The following UPRT variants were observed in gnomAD, a reference collection of about 807,000 sequenced individuals.
UPRT encodes the protein RP11-311P8.3.
Under a neutral mutation model 22.6 loss-of-function variants are expected in UPRT, and 5 were observed. That is an observed-to-expected ratio of 0.22 (90% CI 0.12 to 0.47). UPRT has a LOEUF of 0.47. UPRT is among the 20% of genes least tolerant of loss of function. The pLI is 0.99. For missense variants in UPRT, 181 were observed against 239.9 expected, an observed-to-expected ratio of 0.75 and a Z score of 1.62; for synonymous variants, 77 against 87.7, an observed-to-expected ratio of 0.88 and a Z score of 0.68.
chrX:75,200,835 C>T (rs908016798), intron 4 of UPRT, among the ~76,000 whole-genome samples: 1 of 111,238 alleles, frequency 9.0e-6, no homozygotes, highest in African/African-American at 3.3e-5. Context: ...GTTCTAGCTA[C>T]TCAGCAGGCA....
chrX:75,206,991 T>A (rs1434128648), intron 4 of UPRT, among the ~76,000 whole-genome samples: 2 of 112,530 alleles, frequency 1.8e-5, no homozygotes, highest in African/African-American at 6.5e-5. Flanking sequence ...AGCTGCCTGC[T>A]GGGCTGCCAA....
intron 1 of UPRT, among the ~76,000 whole-genome samples, chrX:75,277,148 G>A (rs1160546664): frequency 1.8e-5 from 2 of 111,403 alleles, no homozygotes; most frequent in Non-Finnish European, 3.8e-5. Flanking sequence ...TGAACATTTG[G>A]GTGGTTTACC....
intron 4 of UPRT, among the ~76,000 whole-genome samples, chrX:75,190,686 C>A (rs2082311869): frequency 9.0e-6 from 1 of 111,714 alleles, no homozygotes; most frequent in Non-Finnish European, 1.9e-5. Context: ...TCTTTGTACT[C>A]TTTTTTCTCT....
chrX:75,268,943 C>G (rs1305452863), intron 4 of UPRT, among the ~76,000 whole-genome samples: 2 of 111,384 alleles, frequency 1.8e-5, no homozygotes, highest in Admixed American at 9.6e-5. Context: ...AAAGGGTATT[C>G]AAATAGGAAC....
intron 4 of UPRT, among the ~76,000 whole-genome samples, chrX:75,186,987 C>G (rs1399787863): frequency 4.5e-5 from 5 of 111,540 alleles, no homozygotes; most frequent in African/African-American, 9.8e-5. Context: ...ATTTGCCAGT[C>G]TGTGTCTTTT....
chrX:75,276,050 A>G (rs1477305232), intron 1 of UPRT, among the ~76,000 whole-genome samples: 1 of 111,506 alleles, frequency 9.0e-6, no homozygotes, highest in Non-Finnish European at 1.9e-5. Flanking sequence ...CATAGTTCCT[A>G]GGAACAATTC....
chrX:75,261,560 C>T (rs1027107068), intron 4 of UPRT, among the ~76,000 whole-genome samples: 2 of 111,404 alleles, frequency 1.8e-5, no homozygotes, highest in Non-Finnish European at 3.8e-5. Context: ...AGTCTGGGAC[C>T]GGAATGATTC....
At chrX:75,176,011 T>C (rs754100579) in intron 4 of UPRT, among the ~76,000 whole-genome samples, 1 of 111,627 alleles carries the variant, frequency 9.0e-6, no homozygotes, top group South Asian at 3.8e-4. Flanking sequence ...TAAACTTATC[T>C]TTTAGAATCA....
intron 4 of UPRT, among the ~76,000 whole-genome samples, chrX:75,202,323 C>T (rs756434655): frequency 6.3e-5 from 7 of 110,850 alleles, no homozygotes; most frequent in African/African-American, 1.6e-4. Flanking sequence ...AACTTGTGCC[C>T]GGCGTGCTGG....
chrX:75,205,268 G>A (rs1224477975), intron 4 of UPRT, among the ~76,000 whole-genome samples: 3 of 108,767 alleles, frequency 2.8e-5, no homozygotes, highest in African/African-American at 1.0e-4. Flanking sequence ...TACTCGGGAG[G>A]CTGAGGCAGG....
intron 4 of UPRT, among the ~76,000 whole-genome samples, chrX:75,186,349 T>C (rs1217608276): frequency 2.7e-5 from 3 of 112,173 alleles, no homozygotes; most frequent in Non-Finnish European, 5.6e-5. Context: ...AGATTCTTAA[T>C]CCTGACTTCT....
chrX:75,198,936 A>C (rs1275251146), intron 4 of UPRT, among the ~76,000 whole-genome samples: 1 of 111,860 alleles, frequency 8.9e-6, no homozygotes, highest in Non-Finnish European at 1.9e-5. Flanking sequence ...GCAGAAAGCA[A>C]AACAGGGCTA....
chrX:75,183,178 G>T (rs189043996), intron 4 of UPRT, among the ~76,000 whole-genome samples: 16 of 108,946 alleles, frequency 1.5e-4, no homozygotes, highest in Non-Finnish European at 7.6e-5. Flanking sequence ...CCCCCTCCCC[G>T]CACCCCACGA....
At chrX:75,180,193 G>A (rs1238265038) in intron 4 of UPRT, among the ~76,000 whole-genome samples, 1 of 112,453 alleles carries the variant, frequency 8.9e-6, no homozygotes. Context: ...TCAGTTGGAG[G>A]TTTCCTTCTC....
chrX:75,162,375 TGTAGACCCATGATAA>T (rs2082202636), intron 2 of UPRT, among the ~76,000 whole-genome samples: 2 of 111,800 alleles, frequency 1.8e-5, no homozygotes, highest in Non-Finnish European at 3.8e-5. Flanking sequence ...CTGTGTGGCA[TGTAGACCCATGATAA>T]AGCTATAGAT....
chrX:75,241,158 T>C (rs1161442381), intron 4 of UPRT, among the ~76,000 whole-genome samples: 1 of 107,834 alleles, frequency 9.3e-6, no homozygotes, highest in Non-Finnish European at 1.9e-5. Flanking sequence ...TGGGAGAAAA[T>C]CTTCACAAGC....
intron 1 of UPRT, among the ~76,000 whole-genome samples, chrX:75,282,964 G>A (rs1170121944): frequency 9.0e-6 from 1 of 111,667 alleles, no homozygotes; most frequent in Non-Finnish European, 1.9e-5. Context: ...CCTATGTTAG[G>A]TGCATATATG....
chrX:75,223,547 G>T (rs1260978758), intron 4 of UPRT, among the ~76,000 whole-genome samples: 13 of 111,349 alleles, frequency 1.2e-4, no homozygotes, highest in African/African-American at 3.9e-4. Flanking sequence ...TTCCATTCTG[G>T]CTGGAACGTC....
At chrX:75,164,786 T>A (rs1569256700) in intron 3 of UPRT, among the ~76,000 whole-genome samples, 1 of 110,734 alleles carries the variant, frequency 9.0e-6, no homozygotes, top group East Asian at 2.8e-4. Flanking sequence ...AATAAAACTT[T>A]AAAAAAAAAT....
Sources: gnomAD v4.1 joint callset for allele counts (sites outside exome capture counted in the v4.1 genomes callset) on GRCh38, gnomAD v4.1.1 for gene constraint, MANE v1.5 for transcripts, NCBI Gene and HGNC (gene_info 2026-07-23, HGNC 2026-07-21) for gene names.